Variants in PTPRT observed in about 807,000 individuals in gnomAD.
PTPRT encodes receptor-type tyrosine-protein phosphatase T.
PTPRT carries 56 observed loss-of-function variants against 176.8 expected under a neutral mutation model. The ratio of observed to expected loss-of-function variants is 0.32; its 90% CI spans 0.26 to 0.40. The LOEUF (loss-of-function observed/expected upper bound fraction) is 0.40, where lower values mean the gene tolerates loss of function less well. Among genes scored for constraint, PTPRT ranks in the 10% least tolerant of loss-of-function variants. The pLI is 1.00. For missense variants in PTPRT, 1,540 were observed against 1,908.2 expected (o/e 0.81, Z 3.60); for synonymous variants, 783 against 739.0 (o/e 1.06, Z -0.96).
intron 1 of PTPRT, among the ~76,000 whole-genome samples, chr20:43,088,333 G>GGTGTGTGTGTGTGTGTGTGT (rs67837016): frequency 7.0e-6 from 1 of 142,758 alleles, no homozygotes; most frequent in Non-Finnish European, 1.5e-5. Context: ...TTTGCTTTGG[G>GGTGTGTGTGTGTGTGTGTGT]GTGTGTGTGT....
chr20:42,264,854 G>A (rs1367858957), intron 13 of PTPRT, among the ~76,000 whole-genome samples: 2 of 152,168 alleles, frequency 1.3e-5, no homozygotes, highest in Non-Finnish European at 2.9e-5. Flanking sequence ...GCCCTGATGG[G>A]CTCTTACCTA....
chr20:42,868,320 A>G (rs190133176), intron 2 of PTPRT, among the ~76,000 whole-genome samples: 9 of 152,328 alleles, frequency 5.9e-5, no homozygotes, highest in Admixed American at 4.6e-4. Flanking sequence ...GACAGAAACA[A>G]GAAATAAGAT....
intron 9 of PTPRT, among the ~76,000 whole-genome samples, chr20:42,418,018 C>T (rs2145759073): frequency 6.6e-6 from 1 of 152,188 alleles, no homozygotes; most frequent in South Asian, 2.1e-4. Context: ...ATTTTATCCT[C>T]AGAGTGACAT....
At chr20:42,454,651 C>A (rs1173362018) in intron 8 of PTPRT, among the ~76,000 whole-genome samples, 1 of 152,146 alleles carries the variant, frequency 6.6e-6, no homozygotes, top group Non-Finnish European at 1.5e-5. Context: ...TGATACTAAT[C>A]ATTTTATTGG....
intron 1 of PTPRT, among the ~76,000 whole-genome samples, chr20:42,939,171 T>G (rs1367573255): frequency 6.6e-6 from 1 of 152,230 alleles, no homozygotes; most frequent in East Asian, 1.9e-4. Flanking sequence ...TGGCAGTGCT[T>G]AGCATACTCT....
chr20:42,355,637 T>A (rs979771369), intron 9 of PTPRT, among the ~76,000 whole-genome samples: 2 of 152,162 alleles, frequency 1.3e-5, no homozygotes, highest in African/African-American at 4.8e-5. Context: ...AGCATGCAGG[T>A]GGATTCTGGT....
At chr20:42,473,632 G>T (rs1169557442) in intron 7 of PTPRT, among the ~76,000 whole-genome samples, 1 of 151,996 alleles carries the variant, frequency 6.6e-6, no homozygotes, top group African/African-American at 2.4e-5. Context: ...CACCATGCTT[G>T]GCTAATTTTT....
At chr20:42,541,649 T>C (rs946532094) in intron 7 of PTPRT, among the ~76,000 whole-genome samples, 1 of 151,420 alleles carries the variant, frequency 6.6e-6, no homozygotes, top group African/African-American at 2.4e-5. Flanking sequence ...CACACAAAGG[T>C]AAACTTTAGA....
chr20:42,318,902 C>T (rs971993954), intron 11 of PTPRT, among the ~76,000 whole-genome samples: 1 of 152,118 alleles, frequency 6.6e-6, no homozygotes, highest in African/African-American at 2.4e-5. Context: ...CTGGCCCTCC[C>T]GTGATGGGAT....
At chr20:42,332,918 T>C (rs187705862) in intron 11 of PTPRT, among the ~76,000 whole-genome samples, 137 of 152,330 alleles carry the variant, frequency 9.0e-4, no homozygotes, top group African/African-American at 3.2e-3. Flanking sequence ...AAATGACCAA[T>C]GCATAACGTT....
intron 11 of PTPRT, among the ~76,000 whole-genome samples, chr20:42,328,696 T>C (rs1419568554): frequency 6.6e-6 from 1 of 151,944 alleles, no homozygotes; most frequent in Non-Finnish European, 1.5e-5. Flanking sequence ...ACTAACATTA[T>C]ACGTAAGAGA....
the PTPRT span, among the ~76,000 whole-genome samples, chr20:42,037,090 G>T: frequency 3.3e-5 from 5 of 152,104 alleles, no homozygotes; most frequent in African/African-American, 1.2e-4. Context: ...AAGCAAACAG[G>T]CATCCCACTT....
At chr20:42,826,664 C>G (rs561925550) in intron 2 of PTPRT, among the ~76,000 whole-genome samples, 36 of 152,218 alleles carry the variant, frequency 2.4e-4, no homozygotes, top group African/African-American at 8.7e-4. Flanking sequence ...GGCATGATAA[C>G]CAACTAACAA....
chr20:42,481,575 T>C (rs764474629), intron 7 of PTPRT, among the ~76,000 whole-genome samples: 5 of 152,088 alleles, frequency 3.3e-5, no homozygotes, highest in Admixed American at 6.6e-5. Flanking sequence ...GATCAAGATA[T>C]GGTATCAGAA....
At chr20:42,248,577 A>C in intron 14 of PTPRT, 110 bp downstream of exon 14, 1 of 1,389,346 alleles carries the variant, frequency 7.2e-7, no homozygotes, top group Non-Finnish European at 9.9e-7. Context: ...CAATGGTTAT[A>C]ACAGAAGATC....
At chr20:43,043,158 A>G (rs1986695165) in intron 1 of PTPRT, among the ~76,000 whole-genome samples, 1 of 152,144 alleles carries the variant, frequency 6.6e-6, no homozygotes, top group Non-Finnish European at 1.5e-5. Flanking sequence ...GATGCCAGGA[A>G]CCTGGTCCCC....
At chr20:42,171,649 A>G (rs182331717) in intron 16 of PTPRT, among the ~76,000 whole-genome samples, 1 of 152,290 alleles carries the variant, frequency 6.6e-6, no homozygotes, top group African/African-American at 2.4e-5. Context: ...TAACAAGAAG[A>G]ATGAACAGGA....
At chr20:43,082,863 G>A (rs2011477576) in intron 1 of PTPRT, among the ~76,000 whole-genome samples, 1 of 152,080 alleles carries the variant, frequency 6.6e-6, no homozygotes, top group Non-Finnish European at 1.5e-5. Context: ...AAACTCATCA[G>A]ATAACACCTG....
chr20:43,032,405 GC>G (rs1184739299), intron 1 of PTPRT, among the ~76,000 whole-genome samples: 2 of 148,856 alleles, frequency 1.3e-5, no homozygotes, highest in Admixed American at 1.3e-4. Context: ...TCCTGGGGGA[GC>G]AAAAGAGCCT....
Sources: allele counts gnomAD v4.1 joint callset (sites outside exome capture counted in the v4.1 genomes callset), GRCh38; gene constraint gnomAD v4.1.1; transcripts MANE v1.5; gene names NCBI Gene and HGNC (gene_info 2026-07-23, HGNC 2026-07-21).